Variants in MYH13 observed in about 807,000 individuals in gnomAD.
The protein encoded by MYH13 is myosin heavy chain 13, also known as myosin-13.
A neutral mutation model predicts 232.1 loss-of-function variants in MYH13; 177 were observed. The ratio of observed to expected loss-of-function variants is 0.76; its 90% confidence interval spans 0.67 to 0.86. The LOEUF (loss-of-function observed/expected upper bound fraction) is 0.86, where lower values mean the gene tolerates loss of function less well. Among genes scored for constraint, MYH13 ranks in the 40% least tolerant of loss-of-function variants. The pLI, the probability that MYH13 is intolerant of heterozygous loss-of-function variation, is 0.00. For missense variants in MYH13, 2,246 were observed against 2,405.9 expected (o/e 0.93, Z 1.39); for synonymous variants, 884 against 923.5 (o/e 0.96, Z 0.78).
intron 27 of MYH13, among the ~76,000 whole-genome samples, chr17:10,317,085 G>A (rs1170139509): frequency 2.0e-5 from 3 of 152,134 alleles, no homozygotes; most frequent in Non-Finnish European, 4.4e-5. Flanking sequence ...TGCTTCCCCT[G>A]GATGTTAAAA....
intron 12 of MYH13, among the ~76,000 whole-genome samples, chr17:10,347,227 T>C (rs754469278): frequency 9.2e-5 from 14 of 152,048 alleles, no homozygotes; most frequent in Non-Finnish European, 1.2e-4. Flanking sequence ...TAGCCAAGCA[T>C]TGTGGCAAGC....
At chr17:10,315,341 G>T (rs955489763) in intron 29 of MYH13, among the ~76,000 whole-genome samples, 2 of 152,202 alleles carry the variant, frequency 1.3e-5, no homozygotes, top group African/African-American at 4.8e-5. Context: ...CTTCCAGGCT[G>T]GAGTGCAGTG....
intron 31 of MYH13, among the ~76,000 whole-genome samples, 187 bp from the exon 32 acceptor site, chr17:10,312,263 A>G (rs1229980205): frequency 6.6e-6 from 1 of 152,298 alleles, no homozygotes; most frequent in African/African-American, 2.4e-5. Context: ...CCTCTGCTGC[A>G]TTCTCACAGA....
At chr17:10,370,224 C>T (rs558782701) in intron 2 of MYH13, among the ~76,000 whole-genome samples, 80 of 152,372 alleles carry the variant, frequency 5.3e-4, no homozygotes, top group African/African-American at 1.8e-3. Flanking sequence ...CGCACCACTC[C>T]GTGTCGAGCA....
intron 12 of MYH13, 69 bp from the exon 13 acceptor site, chr17:10,346,867 C>T: frequency 1.7e-6 from 2 of 1,147,954 alleles, no homozygotes; most frequent in Non-Finnish European, 2.6e-6. Flanking sequence ...CAGCCCCTGG[C>T]TTCTCCCAGA....
Position 10,327,965 on chromosome 17 carries a change from C to T in MYH13, c.2592G>A (p.Lys864=). 1 of 1,614,144 alleles carries T rather than the reference C, an allele frequency of 6.2e-7. No individual in the cohort carries two copies. Among genetic ancestry groups the T allele is most frequent in the South Asian group, 1.1e-5 (1 of 91,060 alleles). ...GAGCCTCAGATCGGGCCAGTTCTTC[C>T]TTGGTCCTCTCAAAGTCTTCCTTCA... ...ATMKEDFERT[K]EELARSEARR... Residue 864 remains lysine (K), a synonymous_variant, in exon 22 of 41, where the codon AAG becomes AAA. Coordinates refer to ENST00000252172, the MANE Select transcript of MYH13 (RefSeq NM_003802.3).
At chr17:10,313,131 C>T (rs774269856) in intron 30 of MYH13, 27 bp downstream of exon 30, 1 of 1,613,990 alleles carries the variant, frequency 6.2e-7, no homozygotes, top group Non-Finnish European at 8.5e-7. Flanking sequence ...CGGGCCCCCT[C>T]TGCTATTGCC....
intron 25 of MYH13, 40 bp downstream of exon 25, chr17:10,320,310 CT>C: frequency 6.2e-7 from 1 of 1,608,652 alleles, no homozygotes; most frequent in Non-Finnish European, 8.5e-7. Flanking sequence ...TGAAAGTTGG[CT>C]TTTAGGCTGA....
intron 18 of MYH13, among the ~76,000 whole-genome samples, chr17:10,336,417 C>T (rs72814768): frequency 0.19 from 29,623 of 152,102 alleles, 3,234 homozygotes; most frequent in East Asian, 0.51. Flanking sequence ...ATCTTGGCCT[C>T]TGTGGGCAGT....
chr17:10,302,673 A>G (rs1906135122), intron 39 of MYH13, among the ~76,000 whole-genome samples: 1 of 152,024 alleles, frequency 6.6e-6, no homozygotes, highest in South Asian at 2.1e-4. Context: ...AGCCCATTCC[A>G]TTTCTTTCCT....
At chr17:10,370,708 TCCC>T (rs1206619022) in intron 2 of MYH13, among the ~76,000 whole-genome samples, 1 of 152,164 alleles carries the variant, frequency 6.6e-6, no homozygotes, top group African/African-American at 2.4e-5. Flanking sequence ...GCTTTTTTGG[TCCC>T]AATTCATCTA....
rs760944431 is a variant in MYH13, at chr17:10,319,084, C to T, written c.3444G>A (p.Glu1148=). 8 of 1,614,228 alleles carry T rather than the reference C, an allele frequency of 5.0e-6. No individual in the cohort carries two copies. Among genetic ancestry groups the T allele is most frequent in the Admixed American group, 3.3e-5 (2 of 60,020 alleles). ...CTTCTTCCAGCCTCTCGCTGATCTC[C>T]TCCAGTTCCCTGGCCAGATCTGAGC... is the stretch of plus-strand genomic sequence containing the variant. ...KQRSDLAREL[E]EISERLEEAS... Residue 1148 remains glutamate, a synonymous_variant, in exon 27 of 41, where the codon GAG becomes GAA. Coordinates refer to ENST00000252172, the MANE Select transcript of MYH13 (RefSeq NM_003802.3).
In MYH13 at chr17:10,306,634, T is replaced by C. The variant is rs1211846865; in HGVS notation, c.5296-5A>G. 1.2e-6 allele frequency: 2 copies of C among 1,613,896 alleles called. No homozygotes were observed. Among genetic ancestry groups the C allele is most frequent in the Non-Finnish European group, 1.7e-6 (2 of 1,180,002 alleles). On this transcript the variant is annotated splice_region_variant and splice_polypyrimidine_tract_variant and intron_variant, in intron 36 of 40. Coordinates refer to ENST00000252172, the MANE Select transcript of MYH13 (RefSeq NM_003802.3). The surrounding 1 kb of genome is among the most constrained non-coding windows in gnomAD (Gnocchi z 4.3). ...CTCCTCAGCCATCATGGCAGCCTGG[T>C]TAAGTTCACAGGACACATCAGAGGC...
At chr17:10,316,943 C>T (rs909187398) in intron 27 of MYH13, among the ~76,000 whole-genome samples, 2 of 152,192 alleles carry the variant, frequency 1.3e-5, no homozygotes, top group African/African-American at 4.8e-5. Flanking sequence ...CCTGGAGGAG[C>T]TTAGGATCTC....
At chr17:10,365,121 C>T (rs558098271) in intron 2 of MYH13, among the ~76,000 whole-genome samples, 5 of 152,214 alleles carry the variant, frequency 3.3e-5, no homozygotes, top group African/African-American at 7.2e-5. Context: ...GTAATCTGCC[C>T]GCCTTGACCT....
intron 29 of MYH13, among the ~76,000 whole-genome samples, chr17:10,315,091 A>G (rs1906652703): frequency 6.6e-6 from 1 of 152,154 alleles, no homozygotes; most frequent in African/African-American, 2.4e-5. Flanking sequence ...AGAATGATCA[A>G]GTGTGTGCAG....
intron 20 of MYH13, 61 bp from the exon 21 acceptor site, chr17:10,330,584 T>C: frequency 6.5e-7 from 1 of 1,546,176 alleles, no homozygotes; most frequent in Non-Finnish European, 8.7e-7. Context: ...GCCGGGCCCT[T>C]GAGGGGGCCT....
At chr17:10,372,131 C>T (rs2071881824) in intron 1 of MYH13, among the ~76,000 whole-genome samples, 1 of 152,114 alleles carries the variant, frequency 6.6e-6, no homozygotes. Flanking sequence ...AAATAATCTC[C>T]AGTTATATCC....
At position 10,306,812 on chromosome 17, in the gene MYH13, C is replaced by T. The variant is rs1051305690; in HGVS notation, c.5295+127G>A. ...CTGCTGAGACTGTACCTCATTACAT[C>T]TGTCTGGGAAGCCACCACTAACCGA... On this transcript the variant is annotated intron_variant, in intron 36 of 40. Transcript: ENST00000252172. The surrounding 1 kb of genome is among the most constrained non-coding windows in gnomAD (Gnocchi z 4.3). 2 of 1,548,640 alleles carry T rather than the reference C, an allele frequency of 1.3e-6. No homozygotes were observed. Among genetic ancestry groups the T allele is most frequent in the African/African-American group, 2.7e-5 (2 of 73,322 alleles).
Sources: allele counts gnomAD v4.1 joint callset (sites outside exome capture counted in the v4.1 genomes callset), GRCh38; gene constraint gnomAD v4.1.1; non-coding constraint Gnocchi (gnomAD v3.1); transcripts MANE v1.5; gene names NCBI Gene and HGNC (gene_info 2026-07-23, HGNC 2026-07-21).